Variants in ALOXE3 observed in about 807,000 individuals in gnomAD.
ALOXE3 encodes the protein hydroperoxide isomerase ALOXE3.
In ALOXE3, 78 loss-of-function variants were observed where a neutral mutation model predicts 87.5. The observed-to-expected ratio is 0.89, with a 90% CI of 0.74 to 1.08. The LOEUF is 1.08. Among genes scored for constraint, ALOXE3 ranks in the 50% least tolerant of loss-of-function variants. ALOXE3 has a pLI of 0.00. For missense variants in ALOXE3, 946 were observed against 912.4 expected (o/e 1.04, Z -0.47); for synonymous variants, 363 against 370.8 (o/e 0.98, Z 0.24).
At chr17:8,099,400 G>A (rs1283472291) in intron 15 of ALOXE3, among the ~76,000 whole-genome samples, 1 of 151,842 alleles carries the variant, frequency 6.6e-6, no homozygotes, top group Non-Finnish European at 1.5e-5. Flanking sequence ...GGAGGCTCAC[G>A]CCTGTAATCC....
In ALOXE3 at chr17:8,118,498, G is replaced by T. The variant is rs1465571464; in HGVS notation, c.-326C>A. On this transcript the variant is annotated 5_prime_UTR_variant, in exon 1 of 16. Coordinates refer to ENST00000448843, the MANE Select transcript of ALOXE3 (RefSeq NM_021628.3). ...GAGCACAGGGCACCTGCATTCCTAC[G>T]TGTGAATCATCCGTGTGAATCACTA... 4.5e-6 allele frequency: 7 copies of T among 1,542,254 alleles called. No individual in the cohort carries two copies. In the Admixed American group the frequency reaches 1.4e-4, roughly 30 times the overall value.
chr17:8,100,237 T>C (rs1598194862), intron 15 of ALOXE3, among the ~76,000 whole-genome samples: 1 of 152,082 alleles, frequency 6.6e-6, no homozygotes, highest in African/African-American at 2.4e-5. Flanking sequence ...TTGTTTGCAA[T>C]CTTGGAAGCC....
At chr17:8,109,405 C>T in intron 11 of ALOXE3, 62 bp from the exon 12 acceptor site, 4 of 1,592,586 alleles carry the variant, frequency 2.5e-6, no homozygotes, top group South Asian at 2.2e-5. Flanking sequence ...TGTCTGGGCA[C>T]GAGATGGGGC....
In ALOXE3 at chr17:8,114,518, T is replaced by C. The variant is rs761080238; in HGVS notation, c.646A>G (p.Lys216Glu). ...MEPNVRYSAT[K>E]TISLLFNAIP... ...GCATTGAAGAGCAGCGAGATCGTCT[T>C]GGTGGCTGAGTATCGAACATTGGGC... Residue 216 changes from lysine (K) to glutamate (E), a missense_variant, in exon 6 of 16, where the codon AAG (lysine) becomes GAG (glutamate). Physicochemically the swap from Lys to Glu is moderately conservative, Grantham distance 56 (BLOSUM62 1). Coordinates refer to ENST00000448843, the MANE Select transcript of ALOXE3 (RefSeq NM_021628.3). The C allele has an allele frequency of 1.9e-6, 3 of 1,613,790 alleles. No individual in the cohort carries two copies. The highest frequency in any genetic ancestry group is 1.7e-5 in the Admixed American group (1 of 59,990).
At chr17:8,096,955 C>A in intron 15 of ALOXE3, 149 bp from the exon 16 acceptor site, 1 of 911,252 alleles carries the variant, frequency 1.1e-6, no homozygotes, top group Non-Finnish European at 1.7e-6. Flanking sequence ...CAAACTGCCA[C>A]CCCATGATCC....
At position 8,104,129 on chromosome 17, in the gene ALOXE3, C is replaced by T. The variant is rs1979109903; in HGVS notation, c.1771G>A (p.Val591Ile). The T allele has an allele frequency of 3.1e-6, 5 of 1,613,762 alleles. No homozygotes were observed. The highest frequency in any genetic ancestry group is 4.2e-6 in the Non-Finnish European group (5 of 1,179,888). The change falls in exon 14 of 16, where the codon GTC becomes ATC. Residue 591 changes from valine (V) to isoleucine (I), a missense_variant. Transcript: ENST00000448843. The part of the protein sequence containing the change: ...IFNCSAQHAA[V>I]NSGQHDFGAW... ...TGTAGCCTCACCTGCCCACTGTTGA[C>T]AGCAGCGTGCTGGGCAGAGCAATTG...
intron 15 of ALOXE3, among the ~76,000 whole-genome samples, chr17:8,097,630 C>T (rs1978628274): frequency 6.6e-6 from 1 of 152,128 alleles, no homozygotes; most frequent in Admixed American, 6.5e-5. Context: ...ACTGTCCCTC[C>T]CTCATGATCA....
intron 13 of ALOXE3, among the ~76,000 whole-genome samples, chr17:8,107,867 A>AAGAAAGAAAGAAAGAAAGAAAGAAAG (rs1979494880): frequency 3.1e-4 from 1 of 3,234 alleles, no homozygotes; most frequent in Non-Finnish European, 7.5e-4. Context: ...GAAAGAAAGA[A>AAGAAAGAAAGAAAGAAAGAAAGAAAG]AGAAAGAAAG....
intron 14 of ALOXE3, among the ~76,000 whole-genome samples, chr17:8,103,704 G>A (rs1979075187): frequency 6.6e-6 from 1 of 152,030 alleles, no homozygotes; most frequent in African/African-American, 2.4e-5. Flanking sequence ...AGTGGGGCAG[G>A]AAGCCAGCTT....
rs59399967 is a variant in ALOXE3 at position 8,103,282 on chromosome 17, C to T, written c.1956+41G>A. 1.5e-3 allele frequency: 2,396 copies of T among 1,610,610 alleles called. 57 individuals are homozygous for T. The African/African-American group carries it at 0.027, about 18-fold the overall frequency. On this transcript the variant is annotated intron_variant, in intron 15 of 15. Transcript: ENST00000448843. ...AAGCCACCACCACCCCTACTGGTGG[C>T]CCTAAAGAACCCTACTCCCCTCAAC...
chr17:8,099,097 G>A (rs1359646626), intron 15 of ALOXE3, among the ~76,000 whole-genome samples: 1 of 150,050 alleles, frequency 6.7e-6, no homozygotes, highest in Non-Finnish European at 1.5e-5. Context: ...GGCCCAAGCG[G>A]TCCTCTTGCC....
At chr17:8,097,133 GA>G (rs904116024) in intron 15 of ALOXE3, among the ~76,000 whole-genome samples, 2 of 151,732 alleles carry the variant, frequency 1.3e-5, no homozygotes, top group Admixed American at 6.6e-5. Context: ...GGTTGAACTA[GA>G]AAAAAAAATT....
At chr17:8,103,603 A>G (rs1420577830) in intron 14 of ALOXE3, 110 bp from the exon 15 acceptor site, 10 of 1,222,096 alleles carry the variant, frequency 8.2e-6, no homozygotes, top group Non-Finnish European at 1.1e-5. Flanking sequence ...TAGTTGGGAA[A>G]TGAGGGGATC....
chr17:8,096,733 C>T lies in ALOXE3; in HGVS notation c.2030G>A (p.Ser677Asn). The change falls in exon 16 of 16, where the codon AGC becomes AAC. Residue 677 changes from serine (S) to asparagine (N), a missense_variant. Transcript: ENST00000448843. ...GTCCCTTGAGATCTGGGCCAGGCGG[C>T]TCTGGAAGGCGGCGATGCTCCGCCT... ...APRRSIAAFQ[S>N]RLAQISRDIQ... 1 of 1,614,148 alleles carries T rather than the reference C, an allele frequency of 6.2e-7. No homozygotes were observed. Among genetic ancestry groups the T allele is most frequent in the Non-Finnish European group, 8.5e-7 (1 of 1,179,982 alleles).
chr17:8,108,442 C>G (rs530794742), intron 13 of ALOXE3, 26 bp downstream of exon 13: 2 of 1,610,256 alleles, frequency 1.2e-6, no homozygotes, highest in African/African-American at 1.3e-5. Flanking sequence ...CAGAGCTACA[C>G]GGAAAGTGGG....
Position 8,096,590 on chromosome 17 carries a change from G to T in ALOXE3, c.*37C>A. 2 of 973,286 alleles carry T rather than the reference G, an allele frequency of 2.1e-6. No homozygotes were observed. The highest frequency in any genetic ancestry group is 3.4e-6 in the Non-Finnish European group (2 of 594,788). 60.3% of individuals were successfully genotyped at this position (973,286 alleles called of 1,614,324 possible). On this transcript the variant is annotated 3_prime_UTR_variant, in exon 16 of 16. Transcript: ENST00000448843. ...TGAGGAACTGGTCCTCCTCATGCTT[G>T]GACCTTTCTTTCTTCTTGGGTGGTA...
rs3027200 is a variant in ALOXE3, at chr17:8,108,208, A to C, written c.1684+260T>G. Among the ~76,000 whole-genome samples the C allele has an allele frequency of 0.018, 2,689 of 152,126 alleles. 38 individuals carry two copies. Among genetic ancestry groups the C allele is most frequent in the African/African-American group, 0.02 (817 of 41,478 alleles). On this transcript the variant is annotated intron_variant, in intron 13 of 15. Transcript: ENST00000448843. Reference sequence around the variant, plus strand: ...TGACAGAGCTCAGGAAGCTGAAATGAATGGGTGGGCTTGTGGAAAGGTCAA... The same window carrying C: ...TGACAGAGCTCAGGAAGCTGAAATGCATGGGTGGGCTTGTGGAAAGGTCAA...
chr17:8,097,597 G>T (rs1218008488), intron 15 of ALOXE3, among the ~76,000 whole-genome samples: 3 of 152,078 alleles, frequency 2.0e-5, no homozygotes, highest in African/African-American at 7.2e-5. Flanking sequence ...ATGAGCTCCA[G>T]TCACTGCCAT....
chr17:8,110,454 C>T lies in ALOXE3; in HGVS notation c.1032G>A (p.Gln344=). ...GCAGGCACAGTGGGGCGGCCACGTA[C>T]TGCTGGCGGCCGTTTAGGCAGTGGG... ...APTHCLNGRQ[Q]YVAAPLCLLW... is the part of the protein sequence containing the mutation. The change falls in exon 9 of 16, where the codon CAG becomes CAA. Residue 344 remains glutamine (Q), a synonymous_variant. Transcript: ENST00000448843. 6.2e-7 allele frequency: 1 copy of T among 1,613,470 alleles called. No homozygotes were observed. The highest frequency in any genetic ancestry group is 8.5e-7 in the Non-Finnish European group (1 of 1,179,636).
Sources: gnomAD v4.1 joint callset for allele counts (sites outside exome capture counted in the v4.1 genomes callset) on GRCh38, gnomAD v4.1.1 for gene constraint, MANE v1.5 for transcripts, NCBI Gene and HGNC (gene_info 2026-07-23, HGNC 2026-07-21) for gene names.